The following ECSCR variants were observed in gnomAD, a reference collection of about 807,000 sequenced individuals.
ECSCR encodes the protein endothelial cell-specific chemotaxis regulator.
In ECSCR, 12 loss-of-function variants were observed where a neutral mutation model predicts 16.7. The observed-to-expected ratio is 0.72, with a 90% CI of 0.46 to 1.17. The LOEUF (loss-of-function observed/expected upper bound fraction) is 1.17, where lower values mean the gene tolerates loss of function less well. Among genes scored for constraint, ECSCR ranks in the 50% most tolerant of loss-of-function variants. ECSCR has a pLI of 0.00. For synonymous variants in ECSCR, 44 were observed against 42.2 expected (o/e 1.04, Z -0.17); for missense variants, 122 against 116.1 (o/e 1.05, Z -0.23).
At chr5:139,455,302 A>G (rs1236615791) in intron 6 of ECSCR, 21 bp downstream of exon 6, 9 of 398,324 alleles carry the variant, frequency 2.3e-5, no homozygotes, top group Non-Finnish European at 4.0e-5. Context: ...CCTATGTCCC[A>G]CCTTCTCCTT....
rs116452846 is a variant in ECSCR at position 139,461,953 on chromosome 5, A to G, written c.61+657T>C. ...ACTGCTCCCTGATGAGAGGACCCCT[A>G]TGAGCGGCTTCACAACTCATTGGCT... is the stretch of plus-strand genomic sequence containing the variant. On this transcript the variant is annotated intron_variant, in intron 1 of 9. Transcript: ENST00000618155. 7.8e-3 allele frequency among the ~76,000 whole-genome samples: 1,187 copies of G among 152,272 alleles called. 10 individuals are homozygous for G. Among genetic ancestry groups the G allele is most frequent in the African/African-American group, 0.027 (1,103 of 41,554 alleles).
chr5:139,457,636 G>C (rs1442250126), intron 3 of ECSCR, 32 bp from the exon 4 acceptor site: 5 of 1,071,762 alleles, frequency 4.7e-6, no homozygotes, highest in Admixed American at 1.7e-5. Context: ...GGGAGTGGGA[G>C]GTGGGGTAGG....
At position 139,454,863 on chromosome 5, in the gene ECSCR, C is replaced by T; in HGVS notation, c.437G>A (p.Ser146Asn). Reference protein sequence around the residue: ...VVVIILVGVVSLRFKCRKSKE... With the variant: ...VVVIILVGVVNLRFKCRKSKE... The stretch of plus-strand genomic sequence containing the variant: ...GCTCTTCCGACACTTGAACCTCAGG[C>T]TGACCACACCAACTAGGATGATCAC... Residue 146 changes from serine to asparagine, a missense_variant, in exon 7 of 10, where the codon AGC (serine) becomes AAC (asparagine). Ser to Asn is a conservative substitution (Grantham distance 46). Coordinates refer to ENST00000618155, the MANE Select transcript of ECSCR (RefSeq NM_001077693.4). 2.5e-6 allele frequency: 1 copy of T among 398,738 alleles called. No individual in the cohort carries two copies. The allele number at this position is 398,738 out of a possible 1,614,324, so 24.7% of individuals were successfully genotyped here.
chr5:139,450,020 G>A (rs976732122), intron 8 of ECSCR, among the ~76,000 whole-genome samples: 2 of 151,964 alleles, frequency 1.3e-5, no homozygotes, highest in African/African-American at 2.4e-5. Flanking sequence ...TCAGCTTCCC[G>A]AGTAGCTGGG....
intron 8 of ECSCR, among the ~76,000 whole-genome samples, chr5:139,451,403 G>A (rs1751045540): frequency 6.6e-6 from 1 of 150,926 alleles, no homozygotes; most frequent in African/African-American, 2.4e-5. Context: ...TGGTGTGTGT[G>A]TGGTTTGGTT....
chr5:139,448,844 T>A lies in ECSCR; in HGVS notation c.*56A>T. On this transcript the variant is annotated 3_prime_UTR_variant, in exon 10 of 10. Transcript: ENST00000618155. ...CTCTACTAATTCCATCTCTTCCTCC[T>A]TGTAGTCACAGGGCAGCTGCATCAT... is the stretch of plus-strand genomic sequence containing the variant. The A allele has an allele frequency of 6.5e-7, 1 of 1,534,770 alleles. No homozygotes were observed. The highest frequency in any genetic ancestry group is 1.2e-5 in the South Asian group (1 of 83,384).
chr5:139,458,951 G>C (rs1281835275), intron 1 of ECSCR, among the ~76,000 whole-genome samples: 1 of 152,158 alleles, frequency 6.6e-6, no homozygotes, highest in African/African-American at 2.4e-5. Context: ...GATGTGGGCT[G>C]TGGCTCACGG....
At chr5:139,449,028 G>A (rs897544016) in intron 9 of ECSCR, 50 bp downstream of exon 9, 6 of 1,531,158 alleles carry the variant, frequency 3.9e-6, no homozygotes, top group Non-Finnish European at 5.3e-6. Flanking sequence ...GTAGGAGGAG[G>A]AAGGGAAAGG....
chr5:139,457,166 C>T (rs904227293), intron 4 of ECSCR, among the ~76,000 whole-genome samples: 9 of 152,344 alleles, frequency 5.9e-5, no homozygotes, highest in Non-Finnish European at 1.2e-4. Context: ...AGGGGCCATT[C>T]TCTTGTTCAC....
At chr5:139,456,900 G>A (rs2055150868) in intron 4 of ECSCR, among the ~76,000 whole-genome samples, 4 of 152,170 alleles carry the variant, frequency 2.6e-5, no homozygotes, top group Admixed American at 2.6e-4. Context: ...CCCGCCCTGG[G>A]CACTCAACAA....
intron 1 of ECSCR, among the ~76,000 whole-genome samples, chr5:139,461,654 G>C (rs1751307896): frequency 6.6e-6 from 1 of 152,150 alleles, no homozygotes; most frequent in Admixed American, 6.5e-5. Context: ...GGGTAGGAGG[G>C]GATGGGGACA....
intron 8 of ECSCR, among the ~76,000 whole-genome samples, chr5:139,454,332 G>A (rs1470645954): frequency 1.4e-5 from 2 of 147,846 alleles, no homozygotes; most frequent in African/African-American, 5.0e-5. Context: ...GGTTGTGTGT[G>A]ATGTGTGATG....
At chr5:139,451,010 T>C (rs1751030897) in intron 8 of ECSCR, among the ~76,000 whole-genome samples, 1 of 152,178 alleles carries the variant, frequency 6.6e-6, no homozygotes. Context: ...CATTTGATTG[T>C]TCCCTTTCAG....
At chr5:139,454,734 G>C in intron 7 of ECSCR, 91 bp downstream of exon 7, 1 of 398,422 alleles carries the variant, frequency 2.5e-6, no homozygotes. Flanking sequence ...TCCGGCTCAT[G>C]GAGTGGCAGA....
rs1196773116 is a variant in ECSCR, at chr5:139,454,504, T to TGGTGTGTG, written c.512+90_512+97dup. The TGGTGTGTG allele has an allele frequency of 5.8e-5, 23 of 394,442 alleles. No homozygotes were observed. In the Admixed American group the frequency reaches 9.4e-4, roughly 16 times the overall value. 24.4% of individuals were successfully genotyped at this position (394,442 alleles called of 1,614,324 possible). A position where few individuals can be genotyped will look rare whatever the true frequency, so the allele number is the denominator to read the frequency against. On this transcript the variant is annotated intron_variant, in intron 8 of 9. Transcript: ENST00000618155. The stretch of plus-strand genomic sequence containing the variant: ...GTGATGTGTGAAGGTGTATGGTGTG[T>TGGTGTGTG]GGTGTGTGGGTGTGTGGGTGTGGAA...
At chr5:139,457,849 A>G in intron 2 of ECSCR, 42 bp from the exon 3 acceptor site, 2 of 1,569,078 alleles carry the variant, frequency 1.3e-6, no homozygotes, top group South Asian at 2.3e-5. Context: ...ACCGCCTCCT[A>G]CTGTTCCATC....
Position 139,462,628 on chromosome 5 carries a change from C to A in ECSCR, c.43G>T (p.Gly15Cys), listed in dbSNP as rs1463965581. 2 of 1,597,794 alleles carry A rather than the reference C, an allele frequency of 1.3e-6. No homozygotes were observed. The highest frequency in any genetic ancestry group is 1.7e-5 in the Admixed American group (1 of 57,526). ...GAMQLCWVIL[G>C]FLLFRGHNSQ... ...CTCTTACCTCGGAACAGGAGGAAGC[C>A]CAGGATCACCCAGCACAGCTGCATG... The change falls in exon 1 of 10, where the codon GGC (glycine) becomes TGC (cysteine). Residue 15 changes from glycine to cysteine, a missense_variant. Physicochemically the swap from Gly to Cys is radical, Grantham distance 159. Transcript: ENST00000618155.
chr5:139,448,986 G>A, intron 9 of ECSCR, 78 bp from the exon 10 acceptor site: 1 of 1,534,016 alleles, frequency 6.5e-7, no homozygotes, highest in South Asian at 1.2e-5. Context: ...AAAAGCCAGA[G>A]TCTTTGAAAG....
At chr5:139,462,516 A>G in intron 1 of ECSCR, 94 bp downstream of exon 1, 1 of 1,295,222 alleles carries the variant, frequency 7.7e-7, no homozygotes, top group Non-Finnish European at 1.1e-6. Context: ...CAGCCCCTGG[A>G]TGGAAAGCAT....
Sources: gnomAD v4.1 joint callset for allele counts (sites outside exome capture counted in the v4.1 genomes callset) on GRCh38, gnomAD v4.1.1 for gene constraint, MANE v1.5 for transcripts, NCBI Gene and HGNC (gene_info 2026-07-23, HGNC 2026-07-21) for gene names.